Variants in DMD observed in about 807,000 individuals in gnomAD.
DMD encodes the protein mutant dystrophin.
Under a neutral mutation model 330.1 loss-of-function variants are expected in DMD, and 63 were observed. The observed-to-expected ratio is 0.19, with a 90% CI of 0.16 to 0.24. The LOEUF is 0.24. Among genes scored for constraint, DMD ranks in the 10% least tolerant of loss-of-function variants. The pLI is 1.00. For synonymous variants in DMD, 1,223 were observed against 959.8 expected (o/e 1.27, Z -5.07); for missense variants, 3,344 against 2,684.1 (o/e 1.25, Z -5.43).
At chrX:31,330,938 C>A (rs917374747) in intron 61 of DMD, among the ~76,000 whole-genome samples, 10 of 111,853 alleles carry the variant, frequency 8.9e-5, no homozygotes, top group Non-Finnish European at 1.9e-4. Context: ...AAGGATAGTG[C>A]TTTATATGTC....
intron 1 of DMD, among the ~76,000 whole-genome samples, chrX:33,073,513 T>C (rs887777975): frequency 9.0e-6 from 1 of 111,509 alleles, no homozygotes; most frequent in Non-Finnish European, 1.9e-5. Context: ...TCAGGAACTA[T>C]ACCAAGCCAT....
intron 55 of DMD, among the ~76,000 whole-genome samples, chrX:31,536,635 A>G (rs1016107722): frequency 9.0e-6 from 1 of 111,450 alleles, no homozygotes; most frequent in Non-Finnish European, 1.9e-5. Flanking sequence ...TTCCACTTCA[A>G]TAAAAAATAA....
At chrX:32,242,009 C>A (rs143324227) in intron 43 of DMD, among the ~76,000 whole-genome samples, 69 of 111,758 alleles carry the variant, frequency 6.2e-4, no homozygotes, top group African/African-American at 2.2e-3. Context: ...GGTAGATCAT[C>A]ATGCTCCCCA....
At chrX:31,882,864 G>A (rs2149714975) in intron 47 of DMD, among the ~76,000 whole-genome samples, 1 of 112,078 alleles carries the variant, frequency 8.9e-6, no homozygotes, top group East Asian at 2.8e-4. Context: ...TCAACTAGAA[G>A]TCTTATATAC....
chrX:31,549,517 C>T (rs2074352031), intron 55 of DMD, among the ~76,000 whole-genome samples: 1 of 111,854 alleles, frequency 8.9e-6, no homozygotes, highest in Non-Finnish European at 1.9e-5. Context: ...TGTGTATGTG[C>T]TAGGTTTCCC....
chrX:32,824,728 A>G lies in DMD; in HGVS notation c.265-1341T>C, dbSNP rs188050696. ...ACCTACACACGTAATAATGTTGCAT[A>G]GAACTAAATACACACATATGCATGC... On this transcript the variant is annotated intron_variant, in intron 4 of 78. Transcript: ENST00000357033. Among the ~76,000 whole-genome samples, 294 of 112,314 alleles carry G rather than the reference A, an allele frequency of 2.6e-3. 2 individuals carry two copies. The highest frequency in any genetic ancestry group is 9.2e-3 in the African/African-American group (285 of 31,010).
At chrX:32,795,652 G>T (rs1461667239) in intron 7 of DMD, among the ~76,000 whole-genome samples, 1 of 112,040 alleles carries the variant, frequency 8.9e-6, no homozygotes, top group Non-Finnish European at 1.9e-5. Flanking sequence ...TAAAACAAAG[G>T]AAGGATTCAA....
intron 60 of DMD, among the ~76,000 whole-genome samples, chrX:31,350,592 C>CGTGTGT (rs747001189): frequency 4.7e-5 from 4 of 85,316 alleles, no homozygotes; most frequent in African/African-American, 1.8e-4. Flanking sequence ...AAATGTGGTA[C>CGTGTGT]GTGTGTGTGT....
chrX:33,313,037 CA>C (rs2053874008), intron 1 of DMD, among the ~76,000 whole-genome samples: 1 of 111,583 alleles, frequency 9.0e-6, no homozygotes, highest in Non-Finnish European at 1.9e-5. Context: ...AGCAAGAATG[CA>C]GAGTGTTCCT....
chrX:33,073,855 A>G (rs1270884722), intron 1 of DMD, among the ~76,000 whole-genome samples: 1 of 110,129 alleles, frequency 9.1e-6, no homozygotes, highest in African/African-American at 3.3e-5. Flanking sequence ...AAATAAATAA[A>G]TAAATAAATA....
intron 17 of DMD, among the ~76,000 whole-genome samples, chrX:32,528,305 T>A (rs144362829): frequency 2.5e-3 from 272 of 109,748 alleles, no homozygotes; most frequent in Non-Finnish European, 4.3e-3. Flanking sequence ...CGAGACTCAG[T>A]CTCAAAAAAG....
intron 26 of DMD, among the ~76,000 whole-genome samples, chrX:32,453,414 T>C (rs1214211706): frequency 9.0e-6 from 1 of 111,126 alleles, no homozygotes; most frequent in African/African-American, 3.3e-5. Context: ...TTTATACATA[T>C]TTATGGAGTA....
intron 1 of DMD, among the ~76,000 whole-genome samples, chrX:33,033,673 G>A (rs1239055281): frequency 9.1e-6 from 1 of 109,494 alleles, no homozygotes; most frequent in African/African-American, 3.3e-5. Flanking sequence ...AGCCGAGATC[G>A]CGCCACTGCA....
At chrX:32,772,225 C>A (rs763480858) in intron 7 of DMD, among the ~76,000 whole-genome samples, 26 of 112,667 alleles carry the variant, frequency 2.3e-4, no homozygotes, top group Admixed American at 1.9e-4. Flanking sequence ...GTTATTAATT[C>A]ATGACATATT....
chrX:31,912,309 G>A (rs191619979), intron 47 of DMD, among the ~76,000 whole-genome samples: 1 of 111,255 alleles, frequency 9.0e-6, no homozygotes, highest in African/African-American at 3.3e-5. Context: ...ACGCCCGACC[G>A]CACGTCGCAC....
intron 1 of DMD, among the ~76,000 whole-genome samples, chrX:33,265,113 C>T (rs73459967): frequency 0.11 from 12,379 of 110,181 alleles, 903 homozygotes; most frequent in African/African-American, 0.27. Context: ...TGAAATATTA[C>T]TGACCTCTAA....
At chrX:31,899,543 C>T (rs751533107) in intron 47 of DMD, among the ~76,000 whole-genome samples, 41 of 110,879 alleles carry the variant, frequency 3.7e-4, no homozygotes, top group Non-Finnish European at 6.6e-4. Context: ...GGGTAAATAT[C>T]GATACAACTA....
intron 7 of DMD, among the ~76,000 whole-genome samples, chrX:32,707,100 T>TA (rs3838946): frequency 1.9e-4 from 21 of 107,751 alleles, no homozygotes; most frequent in East Asian, 1.7e-3. Context: ...TCGGAGGGGG[T>TA]AAAAAAAAAT....
intron 44 of DMD, among the ~76,000 whole-genome samples, chrX:31,976,531 T>C (rs1413760913): frequency 9.0e-6 from 1 of 111,340 alleles, no homozygotes; most frequent in Admixed American, 9.6e-5. Context: ...ATCTAATATG[T>C]ATTATTTTCA....
Sources: allele counts gnomAD v4.1 joint callset (sites outside exome capture counted in the v4.1 genomes callset), GRCh38; gene constraint gnomAD v4.1.1; transcripts MANE v1.5; gene names NCBI Gene and HGNC (gene_info 2026-07-23, HGNC 2026-07-21).